RCVRN: variants seen among roughly 807,000 people sequenced by gnomAD.
RCVRN encodes the protein cancer associated retinopathy antigen.
RCVRN carries 23 observed loss-of-function variants against 20.4 expected under a neutral mutation model. That is an observed-to-expected ratio of 1.13 (90% CI 0.81 to 1.60). RCVRN has a LOEUF of 1.60. Ranked by LOEUF, RCVRN falls within the 40% of genes most tolerant of loss-of-function variation. The pLI, the probability that RCVRN is intolerant of heterozygous loss-of-function variation, is 0.00. For missense variants in RCVRN, 254 were observed against 254.2 expected, an observed-to-expected ratio of 1.00 and a Z score of 0.00; for synonymous variants, 105 against 105.9, an observed-to-expected ratio of 0.99 and a Z score of 0.05.
chr17:9,902,918 G>C (rs939947174), intron 1 of RCVRN, among the ~76,000 whole-genome samples: 15 of 152,192 alleles, frequency 9.9e-5, no homozygotes, highest in African/African-American at 2.2e-4. Context: ...AAACCCAGGA[G>C]GGGGAGGTTG....
chr17:9,903,653 GA>G (rs1193194997), intron 1 of RCVRN, among the ~76,000 whole-genome samples: 7 of 152,202 alleles, frequency 4.6e-5, no homozygotes, highest in African/African-American at 1.7e-4. Context: ...AGGATGGAGA[GA>G]AAGAAAAAAT....
At chr17:9,902,401 T>C (rs2067345315) in intron 1 of RCVRN, among the ~76,000 whole-genome samples, 1 of 152,148 alleles carries the variant, frequency 6.6e-6, no homozygotes, top group Admixed American at 6.6e-5. Flanking sequence ...TTATGATTTC[T>C]CCTAATAACT....
At chr17:9,901,238 A>G in intron 1 of RCVRN, 138 bp from the exon 2 acceptor site, 1 of 461,512 alleles carries the variant, frequency 2.2e-6, no homozygotes. Flanking sequence ...TCAGACCGTC[A>G]AACTGCTGGA....
chr17:9,900,506 C>A (rs1265724417), intron 2 of RCVRN, among the ~76,000 whole-genome samples: 1 of 151,964 alleles, frequency 6.6e-6, no homozygotes, highest in Non-Finnish European at 1.5e-5. Flanking sequence ...TCTTTCCTAA[C>A]CTTCCTTTCT....
In RCVRN at chr17:9,904,732, C is replaced by T. The variant is rs2067355591; in HGVS notation, c.381+68G>A. ...AGATCCACTCCCTCTGCAGCAGCTG[C>T]AGCAGGGGACCCCCAGCCCGGAGCG... On this transcript the variant is annotated intron_variant, in intron 1 of 2. Transcript: ENST00000226193. The surrounding 1 kb of genome is among the most constrained non-coding windows in gnomAD (Gnocchi z 5.8). The T allele has an allele frequency of 1.3e-6, 2 of 1,543,188 alleles. No homozygotes were observed. Among genetic ancestry groups the T allele is most frequent in the Non-Finnish European group, 1.8e-6 (2 of 1,135,798 alleles).
chr17:9,898,158 C>G lies in RCVRN; in HGVS notation c.540G>C (p.Lys180Asn), dbSNP rs752122520. The G allele has an allele frequency of 6.2e-7, 1 of 1,614,024 alleles. No homozygotes were observed. Among genetic ancestry groups the G allele is most frequent in the East Asian group, 2.2e-5 (1 of 44,884 alleles). The change falls in exon 3 of 3, where the codon AAG (lysine) becomes AAC (asparagine). Residue 180 changes from lysine (K) to asparagine (N), a missense_variant. Transcript: ENST00000226193. ...CAAACTGGATCAGTCGCAGAATTTC[C>G]TTATTGGCCAGTGTCCCCTCAATGA... ...KEFIEGTLANKEILRLIQFEP... is the reference protein window; with the variant it reads ...KEFIEGTLANNEILRLIQFEP...
In RCVRN at chr17:9,898,034, A is replaced by C; in HGVS notation, c.*61T>G. On this transcript the variant is annotated 3_prime_UTR_variant, in exon 3 of 3. Coordinates refer to ENST00000226193, the MANE Select transcript of RCVRN (RefSeq NM_002903.3). Reference sequence around the variant, plus strand: ...TGTGTGTGCATGTGTGTGTGTGTGCACAGGCGCTCACGGGTGTCATGTGAG... The same window carrying C: ...TGTGTGTGCATGTGTGTGTGTGTGCCCAGGCGCTCACGGGTGTCATGTGAG... 9.6e-7 allele frequency: 1 copy of C among 1,042,552 alleles called. No homozygotes were observed. The highest frequency in any genetic ancestry group is 1.5e-6 in the Non-Finnish European group (1 of 659,040). 64.6% of individuals were successfully genotyped at this position (1,042,552 alleles called of 1,614,324 possible).
chr17:9,901,798 A>C (rs2067342996), intron 1 of RCVRN, among the ~76,000 whole-genome samples: 1 of 152,230 alleles, frequency 6.6e-6, no homozygotes, highest in Non-Finnish European at 1.5e-5. Context: ...GACTGCAAAA[A>C]TAATCAAATC....
At position 9,897,322 on chromosome 17, in the gene RCVRN, T is replaced by C. The variant is rs1427333990; in HGVS notation, c.*773A>G. ...TCCTGGAACTCGAGATGGTCATTCA[T>C]GCCTCAGCGGCTCTGTGTTGGCCGC... On this transcript the variant is annotated 3_prime_UTR_variant, in exon 3 of 3. Coordinates refer to ENST00000226193, the MANE Select transcript of RCVRN (RefSeq NM_002903.3). The C allele has an allele frequency of 1.3e-5, 2 of 152,086 alleles. No individual in the cohort carries two copies. The highest frequency in any genetic ancestry group is 2.9e-5 in the Non-Finnish European group (2 of 68,066). The allele number at this position is 152,086 out of a possible 1,614,324, so 9.4% of individuals were successfully genotyped here.
At chr17:9,901,132 G>T in intron 1 of RCVRN, 32 bp from the exon 2 acceptor site, 1 of 1,341,732 alleles carries the variant, frequency 7.5e-7, no homozygotes. Flanking sequence ...AACTCGTTAG[G>T]AGGAACTTTA....
Position 9,904,772 on chromosome 17 carries a change from C to T in RCVRN, c.381+28G>A, listed in dbSNP as rs2067355854. ...AGCCCGGAGCGACCCCGGCACCGCC[C>T]AGCCAGAAGGGGAGAGGGGAGACTG... is the stretch of plus-strand genomic sequence containing the variant. On this transcript the variant is annotated intron_variant, in intron 1 of 2. Coordinates refer to ENST00000226193, the MANE Select transcript of RCVRN (RefSeq NM_002903.3). This position sits in a 1 kb window ranked among gnomAD's most constrained non-coding sequence, Gnocchi z 5.8. 6.3e-7 allele frequency: 1 copy of T among 1,598,698 alleles called. No homozygotes were observed. Among genetic ancestry groups the T allele is most frequent in the Admixed American group, 1.7e-5 (1 of 59,424 alleles).
chr17:9,903,962 G>T (rs534900568), intron 1 of RCVRN, among the ~76,000 whole-genome samples: 1 of 152,158 alleles, frequency 6.6e-6, no homozygotes, highest in African/African-American at 2.4e-5. Context: ...AAAATGGGCC[G>T]GGCACAGTGG....
chr17:9,904,167 G>C lies in RCVRN; in HGVS notation c.381+633C>G, dbSNP rs1256862680. On this transcript the variant is annotated intron_variant, in intron 1 of 2. Transcript: ENST00000226193. This position sits in a 1 kb window ranked among gnomAD's most constrained non-coding sequence, Gnocchi z 5.8. ...GAGACAGGAGAATTGCTTGAACTCG[G>C]GAGGCAGAGGTTGCAGTGAGCCAAG... is the stretch of plus-strand genomic sequence containing the variant. Among the ~76,000 whole-genome samples, 1 of 152,134 alleles carries C rather than the reference G, an allele frequency of 6.6e-6. No homozygotes were observed. The highest frequency in any genetic ancestry group is 1.5e-5 in the Non-Finnish European group (1 of 68,028).
chr17:9,896,327 CATAAGTGTT>C lies in RCVRN; in HGVS notation c.*1759_*1767del, dbSNP rs1198355176. ...GCAGAGTCTAGCATGGTGCACGGTT[CATAAGTGTT>C]TATTCTCACGTTTGCTCTCCACACA... On this transcript the variant is annotated 3_prime_UTR_variant, in exon 3 of 3. Transcript: ENST00000226193. The C allele has an allele frequency of 1.3e-5, 2 of 152,164 alleles. No individual in the cohort carries two copies. The highest frequency in any genetic ancestry group is 2.4e-5 in the African/African-American group (1 of 41,412). The allele number at this position is 152,164 out of a possible 1,614,324, so 9.4% of individuals were successfully genotyped here.
chr17:9,904,698 T>C lies in RCVRN; in HGVS notation c.381+102A>G, dbSNP rs546152046. 2.2e-6 allele frequency: 3 copies of C among 1,362,152 alleles called. No homozygotes were observed. Among genetic ancestry groups the C allele is most frequent in the South Asian group, 2.7e-5 (2 of 74,448 alleles). 84.4% of individuals were successfully genotyped at this position (1,362,152 alleles called of 1,614,324 possible). ...AGAGCCAGTGGCCCGCATCCCCCGC[T>C]CCACCCACAGATCCACTCCCTCTGC... On this transcript the variant is annotated intron_variant, in intron 1 of 2. Transcript: ENST00000226193. This position sits in a 1 kb window ranked among gnomAD's most constrained non-coding sequence, Gnocchi z 5.8.
Position 9,899,666 on chromosome 17 carries a change from C to A in RCVRN, c.493+1323G>T, listed in dbSNP as rs8081471. Among the ~76,000 whole-genome samples the A allele has an allele frequency of 0.48, 73,340 of 151,974 alleles. 18,151 individuals carry two copies. The highest frequency in any genetic ancestry group is 0.65 in the East Asian group (3,323 of 5,140). On this transcript the variant is annotated intron_variant, in intron 2 of 2. Coordinates refer to ENST00000226193, the MANE Select transcript of RCVRN (RefSeq NM_002903.3). This position sits in a 1 kb window ranked among gnomAD's most constrained non-coding sequence, Gnocchi z 4.6. ...AGTGCTCAAAGGTGAGGGGCCAATCCGGGCCGATGAGGGAAAGGTGGGTAA... is the reference window on the plus strand; with the variant it reads ...AGTGCTCAAAGGTGAGGGGCCAATCAGGGCCGATGAGGGAAAGGTGGGTAA...
chr17:9,900,179 G>A (rs906468974), intron 2 of RCVRN, among the ~76,000 whole-genome samples: 4 of 152,074 alleles, frequency 2.6e-5, no homozygotes, highest in Admixed American at 6.6e-5. Flanking sequence ...CACATAACTC[G>A]TTTTCATCAT....
In RCVRN at chr17:9,897,432, T is replaced by C. The variant is rs2067322228; in HGVS notation, c.*663A>G. The stretch of plus-strand genomic sequence containing the variant: ...AATTTAAATCTCCCTTCGTCAGGGA[T>C]GTGGTCCCTGATCCCCCCTGACAAG... On this transcript the variant is annotated 3_prime_UTR_variant, in exon 3 of 3. Transcript: ENST00000226193. 1 of 151,472 alleles carries C rather than the reference T, an allele frequency of 6.6e-6. No homozygotes were observed. The highest frequency in any genetic ancestry group is 2.1e-4 in the South Asian group (1 of 4,798). 9.4% of individuals were successfully genotyped at this position (151,472 alleles called of 1,614,324 possible).
At position 9,901,042 on chromosome 17, in the gene RCVRN, G is replaced by A. The variant is rs761293815; in HGVS notation, c.440C>T (p.Thr147Met). The change falls in exon 2 of 3, where the codon ACG becomes ATG. Residue 147 changes from threonine to methionine, a missense_variant. Physicochemically the swap from Thr to Met is moderately conservative, Grantham distance 81 (BLOSUM62 -1). Transcript: ENST00000226193. ...GATCTTCTCGGCTCGCTTTTCCGGC[G>A]TGTTTTCATCGTCTGGAAGGAGCTT... ...DVKLLPDDEN[T>M]PEKRAEKIWK... is the part of the protein sequence containing the mutation. 15 of 1,610,054 alleles carry A rather than the reference G, an allele frequency of 9.3e-6. No homozygotes were observed. In the Admixed American group the frequency reaches 1.0e-4, roughly 11 times the overall value.
Sources: gnomAD v4.1 joint callset for allele counts (sites outside exome capture counted in the v4.1 genomes callset) on GRCh38, gnomAD v4.1.1 for gene constraint, Gnocchi (gnomAD v3.1) non-coding constraint, MANE v1.5 for transcripts, NCBI Gene and HGNC (gene_info 2026-07-23, HGNC 2026-07-21) for gene names.